Variants in PLEKHG4B observed in about 807,000 individuals in gnomAD.
PLEKHG4B encodes the protein pleckstrin homology domain-containing family G member 4B.
In PLEKHG4B, 111 loss-of-function variants were observed where a neutral mutation model predicts 121.3. That is an observed-to-expected ratio of 0.92 (90% CI 0.78 to 1.07). The LOEUF is 1.07. PLEKHG4B is among the 50% of genes least tolerant of loss of function. The pLI, the probability that PLEKHG4B is intolerant of heterozygous loss-of-function variation, is 0.00. For synonymous variants in PLEKHG4B, 738 were observed against 725.0 expected (o/e 1.02, Z -0.29); for missense variants, 1,831 against 1,757.8 (o/e 1.04, Z -0.74).
At chr5:179,079 A>G (rs564872810) in intron 18 of PLEKHG4B, among the ~76,000 whole-genome samples, 2 of 152,334 alleles carry the variant, frequency 1.3e-5, no homozygotes, top group East Asian at 3.9e-4. Flanking sequence ...CTTCCTATTA[A>G]TATAGCTATT....
At chr5:144,596 G>A (rs961845270) in intron 5 of PLEKHG4B, among the ~76,000 whole-genome samples, 1 of 152,164 alleles carries the variant, frequency 6.6e-6, no homozygotes, top group Non-Finnish European at 1.5e-5. Context: ...AGCCCCATGT[G>A]CCCAGAGACA....
At chr5:93,094 A>T (rs560251407) in intron 1 of PLEKHG4B, among the ~76,000 whole-genome samples, 45 of 152,290 alleles carry the variant, frequency 3.0e-4, no homozygotes, top group African/African-American at 1.1e-3. Context: ...TTGCCTAAAA[A>T]GTTTAGTTGG....
intron 1 of PLEKHG4B, among the ~76,000 whole-genome samples, chr5:96,882 T>G (rs1733644153): frequency 6.6e-6 from 1 of 152,162 alleles, no homozygotes; most frequent in East Asian, 1.9e-4. Context: ...ATTAGCACAA[T>G]TTCCACAAGG....
chr5:144,409 T>C (rs7708960), intron 5 of PLEKHG4B, among the ~76,000 whole-genome samples: 28,292 of 152,172 alleles, frequency 0.19, 3,635 homozygotes, highest in African/African-American at 0.36. Flanking sequence ...CTGACTGATC[T>C]CAAGCTTCCA....
intron 2 of PLEKHG4B, among the ~76,000 whole-genome samples, chr5:129,811 A>G (rs1734726282): frequency 1.3e-5 from 2 of 151,192 alleles, no homozygotes; most frequent in Admixed American, 1.3e-4. Flanking sequence ...GGTATGTATG[A>G]CCTTTTTTTT....
intron 5 of PLEKHG4B, among the ~76,000 whole-genome samples, chr5:144,455 A>G (rs537297366): frequency 1.3e-4 from 20 of 152,298 alleles, no homozygotes; most frequent in African/African-American, 4.6e-4. Context: ...CATCAGAATC[A>G]CCTTCTGTGC....
chr5:114,672 G>C (rs1037930568), intron 2 of PLEKHG4B, among the ~76,000 whole-genome samples: 4 of 152,116 alleles, frequency 2.6e-5, no homozygotes, highest in African/African-American at 9.7e-5. Context: ...GGCCAGGCTG[G>C]TCTTAAACTC....
intron 2 of PLEKHG4B, among the ~76,000 whole-genome samples, chr5:138,883 A>G (rs1487756349): frequency 1.3e-5 from 2 of 152,282 alleles, no homozygotes; most frequent in African/African-American, 2.4e-5. Context: ...ATGAAATCAC[A>G]TTGGGTGAAA....
chr5:99,168 GTGTATATATATATA>G (rs1560892408), intron 1 of PLEKHG4B, among the ~76,000 whole-genome samples: 1 of 45,118 alleles, frequency 2.2e-5, no homozygotes, highest in Non-Finnish European at 3.8e-5. Context: ...AAAAAAAAAA[GTGTATATATATATA>G]TATATATATA....
At chr5:126,631 T>A (rs1734621682) in intron 2 of PLEKHG4B, among the ~76,000 whole-genome samples, 1 of 152,202 alleles carries the variant, frequency 6.6e-6, no homozygotes, top group South Asian at 2.1e-4. Context: ...ATGTGACACC[T>A]CTGCAAAGCA....
rs138440640 is a variant in PLEKHG4B, at chr5:146,198, C to G, written c.1905+1278C>G. ...CTCCCTCCTCTTCCTTTCCATGGTACTTCTTTTTCTCCCCCTCCACTGTCC... is the reference window on the plus strand; with the variant it reads ...CTCCCTCCTCTTCCTTTCCATGGTAGTTCTTTTTCTCCCCCTCCACTGTCC... On this transcript the variant is annotated intron_variant, in intron 6 of 19. Transcript: ENST00000637938. 2.1e-3 allele frequency among the ~76,000 whole-genome samples: 295 copies of G among 141,494 alleles called. 2 individuals carry two copies. Among genetic ancestry groups the G allele is most frequent in the African/African-American group, 7.4e-3 (276 of 37,458 alleles). 92.8% of individuals were successfully genotyped at this position (141,494 alleles called of 152,430 possible). A position where few individuals can be genotyped will look rare whatever the true frequency, so the allele number is the denominator to read the frequency against.
At chr5:102,746 A>G (rs1733859946) in intron 1 of PLEKHG4B, among the ~76,000 whole-genome samples, 1 of 152,216 alleles carries the variant, frequency 6.6e-6, no homozygotes, top group East Asian at 1.9e-4. Context: ...TAGCAGTGTG[A>G]GAACAGACTA....
In PLEKHG4B at chr5:121,140, G is replaced by A. The variant is rs186001488; in HGVS notation, c.243+7692G>A. Among the ~76,000 whole-genome samples, 872 of 152,036 alleles carry A rather than the reference G, an allele frequency of 5.7e-3. 12 individuals carry two copies. Among genetic ancestry groups the A allele is most frequent in the African/African-American group, 0.02 (819 of 41,490 alleles). On this transcript the variant is annotated intron_variant, in intron 2 of 19. Transcript: ENST00000637938. ...CGGGTGCCTGTAGTCCCAGCTACTCGGGAGGCTGAGGCAGGAGAATGGCGT... is the reference window on the plus strand; with the variant it reads ...CGGGTGCCTGTAGTCCCAGCTACTCAGGAGGCTGAGGCAGGAGAATGGCGT...
At chr5:93,052 TTACACTC>T (rs1379750003) in intron 1 of PLEKHG4B, among the ~76,000 whole-genome samples, 2 of 152,120 alleles carry the variant, frequency 1.3e-5, no homozygotes, top group African/African-American at 2.4e-5. Flanking sequence ...GGTGAGGTAA[TTACACTC>T]TACTCCTGTT....
Position 137,760 on chromosome 5 carries a change from C to A in PLEKHG4B, c.244-1723C>A, listed in dbSNP as rs1735025773. On this transcript the variant is annotated intron_variant, in intron 2 of 19. Transcript: ENST00000637938. This position sits in a 1 kb window ranked among gnomAD's most constrained non-coding sequence, Gnocchi z 4.2. ...AATCACCACTTCACAGGAACATGCC[C>A]TGGGCACCAATATGGCTGTGCTGGG... is the stretch of plus-strand genomic sequence containing the variant. 6.6e-6 allele frequency among the ~76,000 whole-genome samples: 1 copy of A among 152,236 alleles called. No homozygotes were observed. Among genetic ancestry groups the A allele is most frequent in the Non-Finnish European group, 1.5e-5 (1 of 68,050 alleles).
At chr5:110,413 A>G (rs545061885) in intron 1 of PLEKHG4B, among the ~76,000 whole-genome samples, 20 of 145,180 alleles carry the variant, frequency 1.4e-4, no homozygotes, top group African/African-American at 4.8e-4. Flanking sequence ...ACACACCCAC[A>G]CAATCTGCAA....
At chr5:109,158 T>G (rs528538860) in intron 1 of PLEKHG4B, among the ~76,000 whole-genome samples, 1 of 152,106 alleles carries the variant, frequency 6.6e-6, no homozygotes, top group East Asian at 1.9e-4. Flanking sequence ...ATGTCTTGCT[T>G]TTTGCAGGGA....
chr5:119,097 T>TGA (rs1734392017), intron 2 of PLEKHG4B, among the ~76,000 whole-genome samples: 1 of 151,918 alleles, frequency 6.6e-6, no homozygotes. Flanking sequence ...TGGGCTTAAG[T>TGA]GATCCTCCTG....
chr5:128,236 C>T (rs1021017629), intron 2 of PLEKHG4B, among the ~76,000 whole-genome samples: 6 of 152,212 alleles, frequency 3.9e-5, no homozygotes, highest in African/African-American at 1.4e-4. Flanking sequence ...CCACCAAGGA[C>T]AGCTTTGCAG....
Sources: gnomAD v4.1 joint callset for allele counts (sites outside exome capture counted in the v4.1 genomes callset) on GRCh38, gnomAD v4.1.1 for gene constraint, Gnocchi (gnomAD v3.1) non-coding constraint, MANE v1.5 for transcripts, NCBI Gene and HGNC (gene_info 2026-07-23, HGNC 2026-07-21) for gene names.